ABCA13: variants seen among roughly 807,000 people sequenced by gnomAD.
ABCA13 encodes the protein ATP binding cassette subfamily A member 13, also known as ATP-binding cassette sub-family A member 13.
ABCA13 carries 476 observed loss-of-function variants against 478.7 expected under a neutral mutation model. The ratio of observed to expected loss-of-function variants is 0.99; its 90% CI spans 0.92 to 1.07. The LOEUF (loss-of-function observed/expected upper bound fraction) is 1.07, where lower values mean the gene tolerates loss of function less well. Ranked by LOEUF, ABCA13 falls within the 50% of genes least tolerant of loss-of-function variation. The pLI is 0.00. For synonymous variants in ABCA13, 2,252 were observed against 2,158.9 expected, an observed-to-expected ratio of 1.04 and a Z score of -1.20; for missense variants, 6,060 against 5,910.6, an observed-to-expected ratio of 1.03 and a Z score of -0.83.
intron 41 of ABCA13, among the ~76,000 whole-genome samples, chr7:48,423,236 T>C (rs970094404): frequency 2.0e-5 from 3 of 152,208 alleles, no homozygotes; most frequent in Non-Finnish European, 2.9e-5. Flanking sequence ...TGTGTTTTCA[T>C]CTTCTGCTTC....
chr7:48,636,331 C>G (rs955473881), intron 59 of ABCA13, among the ~76,000 whole-genome samples: 3 of 152,204 alleles, frequency 2.0e-5, no homozygotes, highest in Non-Finnish European at 4.4e-5. Flanking sequence ...CCAGTTAGTA[C>G]TTTCTATGTT....
chr7:48,508,167 G>T, intron 50 of ABCA13, 118 bp downstream of exon 50: 1 of 1,254,002 alleles, frequency 8.0e-7, no homozygotes, highest in Non-Finnish European at 1.1e-6. Context: ...CACAAAAAGG[G>T]GTCATCTTAT....
chr7:48,296,464 CTT>C (rs557053131), intron 21 of ABCA13, among the ~76,000 whole-genome samples: 9 of 143,470 alleles, frequency 6.3e-5, no homozygotes, highest in Non-Finnish European at 6.1e-5. Flanking sequence ...TTTCTTTTCT[CTT>C]TTTTTTTTTT....
intron 45 of ABCA13, among the ~76,000 whole-genome samples, chr7:48,478,115 A>G (rs1828338465): frequency 6.6e-6 from 1 of 150,794 alleles, no homozygotes; most frequent in Non-Finnish European, 1.5e-5. Flanking sequence ...TGATTTATTT[A>G]TTTATTTTAA....
chr7:48,579,009 T>G (rs1046126861), intron 55 of ABCA13, among the ~76,000 whole-genome samples: 17 of 152,240 alleles, frequency 1.1e-4, no homozygotes, highest in African/African-American at 3.6e-4. Context: ...ATGACCTGAT[T>G]GTAAAATACA....
chr7:48,620,008 C>T (rs763853982), intron 59 of ABCA13, among the ~76,000 whole-genome samples: 2 of 152,088 alleles, frequency 1.3e-5, no homozygotes, highest in African/African-American at 4.8e-5. Flanking sequence ...CTTGTTCTTA[C>T]AGGAAGGACA....
chr7:48,400,156 A>G (rs1449608569), intron 38 of ABCA13, among the ~76,000 whole-genome samples: 1 of 151,812 alleles, frequency 6.6e-6, no homozygotes, highest in East Asian at 1.9e-4. Context: ...GGGAATCCCT[A>G]TAGCTCCTGG....
intron 48 of ABCA13, among the ~76,000 whole-genome samples, chr7:48,493,352 T>C (rs1353574662): frequency 6.6e-6 from 1 of 152,168 alleles, no homozygotes; most frequent in Non-Finnish European, 1.5e-5. Context: ...TATTAGGACC[T>C]TTTAAGTTGG....
chr7:48,411,197 T>G (rs895003098), intron 40 of ABCA13, among the ~76,000 whole-genome samples: 5 of 147,822 alleles, frequency 3.4e-5, no homozygotes, highest in African/African-American at 1.2e-4. Context: ...TTCTTTCCTT[T>G]TCTTTTCTTT....
intron 19 of ABCA13, among the ~76,000 whole-genome samples, chr7:48,282,457 G>A (rs563966040): frequency 3.9e-5 from 6 of 152,252 alleles, no homozygotes; most frequent in Admixed American, 2.0e-4. Flanking sequence ...AGTGGGTTTT[G>A]ACAACATGAA....
chr7:48,370,469 C>T (rs1035151713), intron 32 of ABCA13, among the ~76,000 whole-genome samples: 7 of 152,074 alleles, frequency 4.6e-5, no homozygotes, highest in Admixed American at 3.9e-4. Context: ...TTATCTTGTT[C>T]CAGTTCTCAG....
intron 27 of ABCA13, among the ~76,000 whole-genome samples, chr7:48,333,638 T>A (rs1019385890): frequency 2.6e-5 from 4 of 152,198 alleles, no homozygotes; most frequent in Non-Finnish European, 5.9e-5. Flanking sequence ...CCACTTTGTG[T>A]GCTGTGGTTC....
chr7:48,426,662 G>A (rs139073104), intron 41 of ABCA13, among the ~76,000 whole-genome samples: 49 of 152,266 alleles, frequency 3.2e-4, no homozygotes, highest in Non-Finnish European at 5.7e-4. Context: ...CTATGGATAC[G>A]TGCAGAGGAA....
At chr7:48,357,499 G>A (rs568131178) in intron 31 of ABCA13, among the ~76,000 whole-genome samples, 6 of 151,968 alleles carry the variant, frequency 3.9e-5, no homozygotes, top group Non-Finnish European at 8.8e-5. Context: ...GCCCCACACA[G>A]CTCTTACAAA....
chr7:48,402,734 A>T (rs1817774804), intron 38 of ABCA13, among the ~76,000 whole-genome samples: 1 of 152,216 alleles, frequency 6.6e-6, no homozygotes, highest in South Asian at 2.1e-4. Context: ...ACTATTCTTG[A>T]AGCTCAACTG....
chr7:48,516,060 T>G (rs1478803873), intron 51 of ABCA13, among the ~76,000 whole-genome samples: 1 of 152,066 alleles, frequency 6.6e-6, no homozygotes, highest in Non-Finnish European at 1.5e-5. Flanking sequence ...TGTGTTGTCT[T>G]TGAAAAATAC....
chr7:48,366,554 C>T (rs1811701489), intron 31 of ABCA13, among the ~76,000 whole-genome samples: 1 of 152,060 alleles, frequency 6.6e-6, no homozygotes, highest in Non-Finnish European at 1.5e-5. Context: ...CAAGATCAGG[C>T]AGCCTTTCTG....
In ABCA13 at chr7:48,564,268, T is replaced by C. The variant is rs1008494552; in HGVS notation, c.14355-15956T>C. Among the ~76,000 whole-genome samples the C allele has an allele frequency of 4.7e-5, 7 of 147,376 alleles. 1 individual carries two copies. Among genetic ancestry groups the C allele is most frequent in the Non-Finnish European group, 8.9e-5 (6 of 67,434 alleles). On this transcript the variant is annotated intron_variant, in intron 55 of 61. Coordinates refer to ENST00000435803, the MANE Select transcript of ABCA13 (RefSeq NM_152701.5). ...AATAATAATAACCTCAATTTATCCA[T>C]GTCTTTTTTTTTTTGAGGTAAAATA...
In ABCA13 at chr7:48,594,714, A is replaced by T. The variant is rs780193062; in HGVS notation, c.14645A>T (p.Glu4882Val). The T allele has an allele frequency of 6.2e-7, 1 of 1,613,790 alleles. No homozygotes were observed. The highest frequency in any genetic ancestry group is 1.1e-5 in the South Asian group (1 of 91,082). ...VGKPDILLLD[E>V]PSSGMDPCSK... ...TCTGTGTTGCCTTTCCTTCAGGATG[A>T]GCCCAGCTCTGGGATGGATCCCTGC... The change falls in exon 58 of 62, where the codon GAG becomes GTG. Residue 4882 changes from glutamate to valine, a missense_variant. This residue lies in a region of ABCA13 where 1,627 missense variants were observed against 1,571.0 expected (regional missense o/e 1.04). Coordinates refer to ENST00000435803, the MANE Select transcript of ABCA13 (RefSeq NM_152701.5).
Sources: allele counts gnomAD v4.1 joint callset (sites outside exome capture counted in the v4.1 genomes callset), GRCh38; gene constraint gnomAD v4.1.1; regional missense constraint gnomAD v4.1.1; transcripts MANE v1.5; gene names NCBI Gene and HGNC (gene_info 2026-07-23, HGNC 2026-07-21).